Variants in SEMA4A observed in about 807,000 individuals in gnomAD.
SEMA4A encodes the protein semaphorin 4A, also known as semaphorin-4A.
A neutral mutation model predicts 72.5 loss-of-function variants in SEMA4A; 52 were observed. That is an observed-to-expected ratio of 0.72 (90% CI 0.57 to 0.90). The LOEUF (loss-of-function observed/expected upper bound fraction) is 0.90, where lower values mean the gene tolerates loss of function less well. Among genes scored for constraint, SEMA4A ranks in the 40% least tolerant of loss-of-function variants. The pLI is 0.00. For missense variants in SEMA4A, 926 were observed against 959.7 expected, an observed-to-expected ratio of 0.96 and a Z score of 0.46; for synonymous variants, 369 against 393.1, an observed-to-expected ratio of 0.94 and a Z score of 0.73.
At chr1:156,174,687 A>T in intron 11 of SEMA4A, 135 bp from the exon 12 acceptor site, 1 of 955,174 alleles carries the variant, frequency 1.0e-6, no homozygotes. Flanking sequence ...GAGGAAGGTG[A>T]ATGATCTGGC....
upstream of SEMA4A, among the ~76,000 whole-genome samples, chr1:156,152,111 G>C (rs1424054112): frequency 6.6e-6 from 1 of 152,178 alleles, no homozygotes; most frequent in Non-Finnish European, 1.5e-5. Context: ...ATTTAACTTG[G>C]CTTCTAGCTG....
intron 2 of SEMA4A, 35 bp from the exon 3 acceptor site, chr1:156,156,379 T>A: frequency 6.2e-7 from 1 of 1,610,326 alleles, no homozygotes. Flanking sequence ...GCCCACCAAG[T>A]CCTCATCACT....
At chr1:156,152,930 C>T (rs908344831), upstream of SEMA4A, among the ~76,000 whole-genome samples, 7 of 152,114 alleles carry the variant, frequency 4.6e-5, no homozygotes, top group Non-Finnish European at 1.0e-4. Flanking sequence ...CTGGATGCCT[C>T]ATTAACCCCG....
chr1:156,169,702 G>A (rs1422431331), intron 10 of SEMA4A, among the ~76,000 whole-genome samples: 1 of 150,658 alleles, frequency 6.6e-6, no homozygotes, highest in Admixed American at 6.6e-5. Context: ...TTACAGGTGT[G>A]AGCCACCACG....
chr1:156,168,511 A>C (rs1303665557), intron 10 of SEMA4A, among the ~76,000 whole-genome samples: 1 of 151,316 alleles, frequency 6.6e-6, no homozygotes, highest in Non-Finnish European at 1.5e-5. Flanking sequence ...GGCATGAGCC[A>C]CCATGCCTGG....
Position 156,157,545 on chromosome 1 carries a change from G to A in SEMA4A, c.301-525G>A, listed in dbSNP as rs543948123. ...TGAGGAAGGAAGGAAGAAAGGGAGA[G>A]AAGGCACTAGCAATATTAGCAATCA... On this transcript the variant is annotated intron_variant, in intron 3 of 14. Transcript: ENST00000368285. This position sits in a 1 kb window ranked among gnomAD's most constrained non-coding sequence, Gnocchi z 4.5. Among the ~76,000 whole-genome samples the A allele has an allele frequency of 6.6e-6, 1 of 152,180 alleles. No individual in the cohort carries two copies.
intron 10 of SEMA4A, among the ~76,000 whole-genome samples, chr1:156,171,015 C>G (rs188383471): frequency 2.0e-5 from 3 of 152,108 alleles, no homozygotes; most frequent in African/African-American, 7.2e-5. Flanking sequence ...GAGTTTGAGA[C>G]CAGCCTTGGC....
Position 156,157,180 on chromosome 1 carries a change from G to C in SEMA4A, c.300+606G>C, listed in dbSNP as rs1458282408. 6.6e-6 allele frequency among the ~76,000 whole-genome samples: 1 copy of C among 151,558 alleles called. No individual in the cohort carries two copies. Among genetic ancestry groups the C allele is most frequent in the African/African-American group, 2.4e-5 (1 of 41,132 alleles). On this transcript the variant is annotated intron_variant, in intron 3 of 14. Coordinates refer to ENST00000368285, the MANE Select transcript of SEMA4A (RefSeq NM_022367.4). The surrounding 1 kb of genome is among the most constrained non-coding windows in gnomAD (Gnocchi z 4.5). ...TATCTACCCACTAGTAGAAATCACTGATGCTTCTGTGTCTTTTTTTTTTTG... is the reference window on the plus strand; with the variant it reads ...TATCTACCCACTAGTAGAAATCACTCATGCTTCTGTGTCTTTTTTTTTTTG...
Position 156,176,956 on chromosome 1 carries a change from G to A in SEMA4A, c.2245G>A (p.Val749Met), listed in dbSNP as rs763889759. 6.2e-7 allele frequency: 1 copy of A among 1,613,370 alleles called. No homozygotes were observed. Among genetic ancestry groups the A allele is most frequent in the Non-Finnish European group, 8.5e-7 (1 of 1,180,036 alleles). ...PKECRTSASDVDADNNCLGTE... is the reference protein window; with the variant it reads ...PKECRTSASDMDADNNCLGTE... The stretch of plus-strand genomic sequence containing the variant: ...GGAATGCAGGACCTCTGCCAGTGAT[G>A]TGGACGCTGACAACAACTGCCTAGG... The change falls in exon 15 of 15, where the codon GTG becomes ATG. Residue 749 changes from valine (V) to methionine (M), a missense_variant. Coordinates refer to ENST00000368285, the MANE Select transcript of SEMA4A (RefSeq NM_022367.4).
rs2102966628 is a variant in SEMA4A, at chr1:156,162,933, G to T, written c.984-11G>T. 6.2e-7 allele frequency: 1 copy of T among 1,613,302 alleles called. No individual in the cohort carries two copies. The highest frequency in any genetic ancestry group is 8.5e-7 in the Non-Finnish European group (1 of 1,179,994). ...GAGACCACAGACAATGTTCCCTCTG[G>T]CTGTCTCCAGGCAGGTTGGCGGGAC... On this transcript the variant is annotated splice_polypyrimidine_tract_variant and intron_variant, in intron 9 of 14. Transcript: ENST00000368285.
upstream of SEMA4A, among the ~76,000 whole-genome samples, chr1:156,148,801 C>CTTTTTTT (rs371528689): frequency 1.3e-4 from 17 of 128,714 alleles, no homozygotes; most frequent in African/African-American, 1.8e-4. Flanking sequence ...TTTCTTTTTT[C>CTTTTTTT]TTTTTTTTTT....
At chr1:156,156,274 T>C in intron 2 of SEMA4A, 140 bp from the exon 3 acceptor site, 2 of 759,408 alleles carry the variant, frequency 2.6e-6, no homozygotes, top group Non-Finnish European at 4.6e-6. Flanking sequence ...GAAGAACTGC[T>C]GGTGGAGGAG....
chr1:156,157,703 G>A lies in SEMA4A; in HGVS notation c.301-367G>A, dbSNP rs1212144138. 6.6e-6 allele frequency among the ~76,000 whole-genome samples: 1 copy of A among 152,180 alleles called. No homozygotes were observed. The highest frequency in any genetic ancestry group is 6.5e-5 in the Admixed American group (1 of 15,276). ...TAAACAATTTCCCCAGGAAATGTGC[G>A]GTTTGACAACTGCTGCCATATATAC... On this transcript the variant is annotated intron_variant, in intron 3 of 14. Coordinates refer to ENST00000368285, the MANE Select transcript of SEMA4A (RefSeq NM_022367.4). The surrounding 1 kb of genome is among the most constrained non-coding windows in gnomAD (Gnocchi z 4.5).
Position 156,166,516 on chromosome 1 carries a change from T to A in SEMA4A, c.1134+3422T>A, listed in dbSNP as rs151140733. Among the ~76,000 whole-genome samples the A allele has an allele frequency of 9.1e-4, 138 of 152,364 alleles. 1 individual carries two copies. The highest frequency in any genetic ancestry group is 3.3e-3 in the African/African-American group (138 of 41,598). ...CCTAGACTAGTCTTCTCACTTTTTT[T>A]AAGCTTTCCTACTGTCCAAGTCTTT... On this transcript the variant is annotated intron_variant, in intron 10 of 14. Transcript: ENST00000368285.
Position 156,163,067 on chromosome 1 carries a change from C to T in SEMA4A, c.1107C>T (p.Gly369=), listed in dbSNP as rs751803061. 24 of 1,614,036 alleles carry T rather than the reference C, an allele frequency of 1.5e-5. No homozygotes were observed. The highest frequency in any genetic ancestry group is 5.0e-5 in the Admixed American group (3 of 60,000). Reference sequence around the variant, plus strand: ...CTTCACGCTGGACTACTTATAGGGGCCCTGAGACCAACCCCCGGCCAGGCA... The same window carrying T: ...CTTCACGCTGGACTACTTATAGGGGTCCTGAGACCAACCCCCGGCCAGGCA... The part of the protein sequence containing the change: ...KETSRWTTYR[G]PETNPRPGSC... Residue 369 remains glycine, a synonymous_variant, in exon 10 of 15, where the codon GGC becomes GGT. Coordinates refer to ENST00000368285, the MANE Select transcript of SEMA4A (RefSeq NM_022367.4).
chr1:156,154,679 G>A lies in SEMA4A; in HGVS notation c.101G>A (p.Gly34Asp), dbSNP rs1255647403. The A allele has an allele frequency of 6.3e-7, 1 of 1,595,324 alleles. No individual in the cohort carries two copies. The highest frequency in any genetic ancestry group is 8.5e-7 in the Non-Finnish European group (1 of 1,171,574). The change falls in exon 2 of 15, where the codon GGC becomes GAC. Residue 34 changes from glycine (G) to aspartate (D), a missense_variant. Coordinates refer to ENST00000368285, the MANE Select transcript of SEMA4A (RefSeq NM_022367.4). Reference protein sequence around the residue: ...LLLPTTTAGGGGQGPMPRVRY... With the variant: ...LLLPTTTAGGDGQGPMPRVRY... ...CTGCCGACGACGACCGCGGGGGGAG[G>A]CGGGCAGGGGCCCATGCCCAGGGTC...
chr1:156,152,596 C>G (rs1173499050), upstream of SEMA4A, among the ~76,000 whole-genome samples: 2 of 152,110 alleles, frequency 1.3e-5, no homozygotes, highest in Non-Finnish European at 2.9e-5. Context: ...TTGACAGAAA[C>G]GATTGTCAGG....
At chr1:156,159,014 A>C in intron 6 of SEMA4A, 190 bp downstream of exon 6, 1 of 568,732 alleles carries the variant, frequency 1.8e-6, no homozygotes, top group Non-Finnish European at 3.1e-6. Flanking sequence ...AGCCTGGGCA[A>C]CACAGCGAGA....
In SEMA4A at chr1:156,176,442, G is replaced by A. The variant is rs755677360; in HGVS notation, c.1731G>A (p.Glu577=). The A allele has an allele frequency of 3.7e-6, 6 of 1,614,076 alleles. No homozygotes were observed. Among genetic ancestry groups the A allele is most frequent in the Non-Finnish European group, 4.2e-6 (5 of 1,180,016 alleles). ...EVLAVPNSIL[E]LPCPHLSALA... is the part of the protein sequence containing the mutation. ...TGGCTGTCCCCAACTCCATCCTGGAGCTCCCCTGCCCCCACCTGTCAGCCT... is the reference window on the plus strand; with the variant it reads ...TGGCTGTCCCCAACTCCATCCTGGAACTCCCCTGCCCCCACCTGTCAGCCT... The change falls in exon 15 of 15, where the codon GAG becomes GAA. Residue 577 remains glutamate (E), a synonymous_variant. Transcript: ENST00000368285.
Sources: allele counts gnomAD v4.1 joint callset (sites outside exome capture counted in the v4.1 genomes callset), GRCh38; gene constraint gnomAD v4.1.1; non-coding constraint Gnocchi (gnomAD v3.1); transcripts MANE v1.5; gene names NCBI Gene and HGNC (gene_info 2026-07-23, HGNC 2026-07-21).